Variants in CACNA2D3 observed in about 807,000 individuals in gnomAD.
CACNA2D3 encodes the protein voltage-dependent calcium channel subunit alpha-2/delta-3.
In CACNA2D3, 60 loss-of-function variants were observed where a neutral mutation model predicts 160.6. That is an observed-to-expected ratio of 0.37 (90% CI 0.30 to 0.46). The LOEUF (loss-of-function observed/expected upper bound fraction) is 0.46. CACNA2D3 is among the 20% of genes least tolerant of loss of function. The pLI, the probability that CACNA2D3 is intolerant of heterozygous loss-of-function variation, is 1.00. For missense variants in CACNA2D3, 1,205 were observed against 1,365.0 expected, an observed-to-expected ratio of 0.88 and a Z score of 1.85; for synonymous variants, 558 against 492.9, an observed-to-expected ratio of 1.13 and a Z score of -1.75.
chr3:54,461,590 A>T (rs6445665), intron 4 of CACNA2D3, among the ~76,000 whole-genome samples: 1 of 151,542 alleles, frequency 6.6e-6, no homozygotes, highest in African/African-American at 2.4e-5. Flanking sequence ...TTCTCTCATG[A>T]TAGTTTGTAT....
chr3:54,943,488 GATTA>G, intron 27 of CACNA2D3, among the ~76,000 whole-genome samples: 2 of 152,156 alleles, frequency 1.3e-5, no homozygotes, highest in Middle Eastern at 6.8e-3. Flanking sequence ...CATTGTTCTT[GATTA>G]ATTAGTCAGC....
At chr3:54,481,599 A>G (rs1700933710) in intron 4 of CACNA2D3, among the ~76,000 whole-genome samples, 1 of 152,220 alleles carries the variant, frequency 6.6e-6, no homozygotes, top group South Asian at 2.1e-4. Flanking sequence ...TCTTTTTCCA[A>G]AAAGTGTACA....
chr3:54,173,215 T>G (rs539722603), intron 2 of CACNA2D3, among the ~76,000 whole-genome samples: 1 of 152,206 alleles, frequency 6.6e-6, no homozygotes, highest in African/African-American at 2.4e-5. Flanking sequence ...TTTCTCTGAC[T>G]TATTTGATCT....
chr3:54,510,905 C>A (rs1470109118), intron 5 of CACNA2D3, among the ~76,000 whole-genome samples: 1 of 152,172 alleles, frequency 6.6e-6, no homozygotes, highest in East Asian at 1.9e-4. Context: ...CACTGTCCTG[C>A]CAAAAATATG....
Position 54,889,506 on chromosome 3 carries a change from A to G in CACNA2D3, c.2150+1454A>G, listed in dbSNP as rs181813103. Among the ~76,000 whole-genome samples the G allele has an allele frequency of 2.6e-4, 40 of 152,258 alleles. No homozygotes were observed. In the East Asian group the frequency reaches 7.6e-3, roughly 29 times the overall value. On this transcript the variant is annotated intron_variant, in intron 24 of 37. Coordinates refer to ENST00000474759, the MANE Select transcript of CACNA2D3 (RefSeq NM_018398.3). ...GGAGGGTAGGGAGGTTGAGCCATCA[A>G]GGATCATTCCCAGGTTTATATCATG... is the stretch of plus-strand genomic sequence containing the variant.
chr3:54,911,245 A>G (rs1257074046), intron 27 of CACNA2D3, among the ~76,000 whole-genome samples: 1 of 151,054 alleles, frequency 6.6e-6, no homozygotes, highest in Non-Finnish European at 1.5e-5. Flanking sequence ...TTTATTTTTT[A>G]CAATTTGTTT....
chr3:54,908,593 T>G lies in CACNA2D3; in HGVS notation c.2449+8725T>G, dbSNP rs185733808. Among the ~76,000 whole-genome samples, 516 of 152,222 alleles carry G rather than the reference T, an allele frequency of 3.4e-3. 4 individuals carry two copies. Among genetic ancestry groups the G allele is most frequent in the African/African-American group, 0.012 (486 of 41,534 alleles). On this transcript the variant is annotated intron_variant, in intron 27 of 37. Coordinates refer to ENST00000474759, the MANE Select transcript of CACNA2D3 (RefSeq NM_018398.3). ...TTAGCTGGGCAGGCTGGCAGGCACC[T>G]GTAGTCCCAGTTATTCAGGAGGCTG...
chr3:54,330,264 A>AATC (rs1281956706), intron 3 of CACNA2D3, among the ~76,000 whole-genome samples: 1 of 150,686 alleles, frequency 6.6e-6, no homozygotes, highest in Non-Finnish European at 1.5e-5. Flanking sequence ...TGGGAAGGAA[A>AATC]ATCAGATCCT....
chr3:54,564,360 A>G (rs1702376022), intron 6 of CACNA2D3, among the ~76,000 whole-genome samples: 1 of 152,346 alleles, frequency 6.6e-6, no homozygotes, highest in Admixed American at 6.5e-5. Context: ...TGGTTCAGCC[A>G]TGCTTACTGT....
At chr3:54,637,133 G>T (rs1431948318) in intron 10 of CACNA2D3, among the ~76,000 whole-genome samples, 1 of 151,948 alleles carries the variant, frequency 6.6e-6, no homozygotes, top group Non-Finnish European at 1.5e-5. Flanking sequence ...AGGTAAAATG[G>T]GGGAATTGTA....
chr3:54,865,413 C>T (rs753511029), intron 17 of CACNA2D3, among the ~76,000 whole-genome samples: 5 of 152,184 alleles, frequency 3.3e-5, no homozygotes, highest in East Asian at 1.9e-4. Context: ...TGACTTCATG[C>T]CCCCCACCTT....
chr3:54,523,320 G>A (rs6445682), intron 5 of CACNA2D3, among the ~76,000 whole-genome samples: 99,971 of 151,928 alleles, frequency 0.66, 33,118 homozygotes, highest in Non-Finnish European at 0.66. Context: ...TTTGTTTTTT[G>A]TTCTATTGAT....
At chr3:54,682,416 A>G (rs1700369453) in intron 11 of CACNA2D3, among the ~76,000 whole-genome samples, 1 of 152,126 alleles carries the variant, frequency 6.6e-6, no homozygotes, top group Non-Finnish European at 1.5e-5. Context: ...CATTTGAGCC[A>G]GGAGTTTGAG....
chr3:55,016,031 ATT>A (rs1484346069), intron 34 of CACNA2D3, among the ~76,000 whole-genome samples: 1 of 152,144 alleles, frequency 6.6e-6, no homozygotes. Context: ...ATTCTATTTT[ATT>A]TGTTTGAAAA....
chr3:54,991,961 G>C (rs1702753273), intron 31 of CACNA2D3, among the ~76,000 whole-genome samples: 1 of 149,618 alleles, frequency 6.7e-6, no homozygotes. Flanking sequence ...TGTTTTGTTT[G>C]TTTGTCTTAT....
At chr3:54,502,729 A>G (rs1474639662) in intron 4 of CACNA2D3, among the ~76,000 whole-genome samples, 2 of 152,192 alleles carry the variant, frequency 1.3e-5, no homozygotes, top group East Asian at 3.8e-4. Context: ...TCTATTCCTA[A>G]GTGTCCTCAT....
chr3:54,519,983 A>C (rs553033327), intron 5 of CACNA2D3, among the ~76,000 whole-genome samples: 1 of 152,240 alleles, frequency 6.6e-6, no homozygotes, highest in African/African-American at 2.4e-5. Context: ...GAACACACCT[A>C]TTATATAAAG....
chr3:54,804,973 G>A (rs1703082969), intron 13 of CACNA2D3, among the ~76,000 whole-genome samples: 1 of 152,170 alleles, frequency 6.6e-6, no homozygotes, highest in Admixed American at 6.5e-5. Context: ...ACGAAATGAA[G>A]GCAGAAATAA....
chr3:54,284,991 T>A (rs981110349), intron 2 of CACNA2D3, among the ~76,000 whole-genome samples: 2 of 152,174 alleles, frequency 1.3e-5, no homozygotes, highest in Non-Finnish European at 1.5e-5. Context: ...GGTCTACAGC[T>A]CCCAGCATGA....
Sources: allele counts gnomAD v4.1 joint callset (sites outside exome capture counted in the v4.1 genomes callset), GRCh38; gene constraint gnomAD v4.1.1; transcripts MANE v1.5; gene names NCBI Gene and HGNC (gene_info 2026-07-23, HGNC 2026-07-21).